The following POU6F2 variants were observed in gnomAD, a reference collection of about 807,000 sequenced individuals.
POU6F2 encodes POU class 6 homeobox 2.
Under a neutral mutation model 71.3 loss-of-function variants are expected in POU6F2, and 31 were observed. The observed-to-expected ratio is 0.43, with a 90% CI of 0.33 to 0.59. POU6F2 has a LOEUF of 0.59. Among genes scored for constraint, POU6F2 ranks in the 20% least tolerant of loss-of-function variants. The pLI is 0.04. For missense variants in POU6F2, 783 were observed against 856.8 expected (o/e 0.91, Z 1.07); for synonymous variants, 347 against 355.7 (o/e 0.98, Z 0.27).
chr7:39,467,568 G>A lies in POU6F2; in HGVS notation c.*2882G>A, dbSNP rs1789100135. The A allele has an allele frequency of 6.6e-6, 1 of 152,106 alleles. No individual in the cohort carries two copies. The highest frequency in any genetic ancestry group is 1.5e-5 in the Non-Finnish European group (1 of 68,002). The allele number at this position is 152,106 out of a possible 1,614,324, so 9.4% of individuals were successfully genotyped here. A position where few individuals can be genotyped will look rare whatever the true frequency, so the allele number is the denominator to read the frequency against. ...GTTATCTGCATTTTCATTACTTCAT[G>A]AAAAAATGACAGTGGATATTACATT... On this transcript the variant is annotated 3_prime_UTR_variant, in exon 10 of 10. Coordinates refer to ENST00000518318, the MANE Select transcript of POU6F2 (RefSeq NM_001370959.1).
At chr7:39,123,015 C>T (rs1026578978) in intron 2 of POU6F2, among the ~76,000 whole-genome samples, 20 of 152,232 alleles carry the variant, frequency 1.3e-4, no homozygotes, top group Non-Finnish European at 2.5e-4. Context: ...AACATGCCAC[C>T]AGTTACACAC....
chr7:38,997,471 G>C (rs745347151), intron 1 of POU6F2, among the ~76,000 whole-genome samples: 4 of 152,192 alleles, frequency 2.6e-5, no homozygotes, highest in Non-Finnish European at 5.9e-5. Context: ...CTGTCTGCCT[G>C]AACCAGCCTG....
At chr7:39,451,473 T>C in intron 7 of POU6F2, 60 bp from the exon 8 acceptor site, 1 of 1,481,700 alleles carries the variant, frequency 6.7e-7, no homozygotes, top group Non-Finnish European at 9.2e-7. Context: ...TTCTGTTCCC[T>C]GGCATTTTTC....
intron 1 of POU6F2, among the ~76,000 whole-genome samples, chr7:39,033,033 C>T (rs986628384): frequency 2.6e-5 from 4 of 152,142 alleles, no homozygotes; most frequent in Non-Finnish European, 4.4e-5. Flanking sequence ...GTGATAAAAC[C>T]GGTGTCTAAA....
chr7:39,074,804 G>A (rs1425175787), intron 1 of POU6F2, among the ~76,000 whole-genome samples: 3 of 152,194 alleles, frequency 2.0e-5, no homozygotes, highest in African/African-American at 4.8e-5. Context: ...TGTCGGAAGG[G>A]TCGCGGACAG....
At chr7:39,033,803 G>T (rs1790001918) in intron 1 of POU6F2, among the ~76,000 whole-genome samples, 1 of 152,204 alleles carries the variant, frequency 6.6e-6, no homozygotes, top group Admixed American at 6.5e-5. Context: ...ATAGAGAAAT[G>T]ATTGTACTGC....
At chr7:39,361,510 T>C (rs1348670417) in intron 5 of POU6F2, among the ~76,000 whole-genome samples, 3 of 152,214 alleles carry the variant, frequency 2.0e-5, no homozygotes, top group Non-Finnish European at 4.4e-5. Context: ...GCAGACCTAC[T>C]AAAATGCATT....
intron 2 of POU6F2, among the ~76,000 whole-genome samples, chr7:39,123,479 C>G (rs1792084705): frequency 6.6e-6 from 1 of 152,152 alleles, no homozygotes; most frequent in East Asian, 1.9e-4. Flanking sequence ...TTGGTTTGTG[C>G]CTGAATTAAA....
chr7:39,200,387 A>G (rs906256712), intron 2 of POU6F2, among the ~76,000 whole-genome samples: 2 of 152,226 alleles, frequency 1.3e-5, no homozygotes, highest in African/African-American at 2.4e-5. Context: ...AACCACTTCT[A>G]TAAGCCATGG....
chr7:39,015,908 T>TTATATATAGA (rs1562670898), intron 1 of POU6F2, among the ~76,000 whole-genome samples: 2 of 46,222 alleles, frequency 4.3e-5, no homozygotes, highest in Non-Finnish European at 7.3e-5. Flanking sequence ...TAGATATATA[T>TTATATATAGA]TATATATTAT....
chr7:39,040,680 A>G (rs1034059926), intron 1 of POU6F2, among the ~76,000 whole-genome samples: 1 of 151,886 alleles, frequency 6.6e-6, no homozygotes, highest in African/African-American at 2.4e-5. Context: ...TATTTTTCCT[A>G]TAGTAATCAT....
chr7:39,451,643 CTCT>C lies in POU6F2; in HGVS notation c.1437_1439del (p.Ser487del). The C allele has an allele frequency of 6.2e-7, 1 of 1,612,636 alleles. No individual in the cohort carries two copies. Among genetic ancestry groups the C allele is most frequent in the South Asian group, 1.1e-5 (1 of 90,534 alleles). ...CTCAAAGTCCCGTCCGGCAGGCTTC[CTCT>C]TCTTCCTCCTCATCCTCCTCTTCTT... On this transcript the variant is annotated inframe_deletion, in exon 8 of 10. Coordinates refer to ENST00000518318, the MANE Select transcript of POU6F2 (RefSeq NM_001370959.1).
intron 2 of POU6F2, among the ~76,000 whole-genome samples, chr7:39,128,616 G>A (rs1792192090): frequency 6.6e-6 from 1 of 152,198 alleles, no homozygotes; most frequent in Admixed American, 6.5e-5. Flanking sequence ...TTACAGAAAA[G>A]TCTGATTATT....
At chr7:39,181,334 A>C (rs1427260890) in intron 2 of POU6F2, among the ~76,000 whole-genome samples, 1 of 151,480 alleles carries the variant, frequency 6.6e-6, no homozygotes, top group Non-Finnish European at 1.5e-5. Flanking sequence ...GGCCACCTCA[A>C]CTCTGGCGGC....
chr7:39,195,894 G>A (rs1793778286), intron 2 of POU6F2, among the ~76,000 whole-genome samples: 1 of 151,792 alleles, frequency 6.6e-6, no homozygotes, highest in Non-Finnish European at 1.5e-5. Context: ...TCCTCACTTC[G>A]CCCACATCTC....
At chr7:39,208,647 C>A (rs1368245550) in intron 4 of POU6F2, among the ~76,000 whole-genome samples, 2 of 152,160 alleles carry the variant, frequency 1.3e-5, no homozygotes, top group African/African-American at 4.8e-5. Context: ...CCATTGTTGC[C>A]ACTTCTTGAC....
intron 9 of POU6F2, among the ~76,000 whole-genome samples, chr7:39,462,328 C>G (rs573870993): frequency 6.6e-6 from 1 of 152,240 alleles, no homozygotes; most frequent in Non-Finnish European, 1.5e-5. Flanking sequence ...TAGGAGCTAT[C>G]TACCAAGAAA....
At chr7:39,417,609 A>G (rs778272167) in intron 6 of POU6F2, among the ~76,000 whole-genome samples, 14 of 152,232 alleles carry the variant, frequency 9.2e-5, no homozygotes, top group Non-Finnish European at 1.5e-4. Flanking sequence ...AGTAAATGCT[A>G]TTAATCAAAC....
At chr7:39,195,222 C>T (rs139743771) in intron 2 of POU6F2, among the ~76,000 whole-genome samples, 3 of 152,334 alleles carry the variant, frequency 2.0e-5, no homozygotes, top group African/African-American at 4.8e-5. Flanking sequence ...GGTCTGTGAT[C>T]ATTTAATCAC....
Sources: allele counts gnomAD v4.1 joint callset (sites outside exome capture counted in the v4.1 genomes callset), GRCh38; gene constraint gnomAD v4.1.1; transcripts MANE v1.5; gene names NCBI Gene and HGNC (gene_info 2026-07-23, HGNC 2026-07-21).